SLC6A6: variants seen among roughly 807,000 people sequenced by gnomAD.
The protein encoded by SLC6A6 is solute carrier family 6 member 6.
Under a neutral mutation model 68.8 loss-of-function variants are expected in SLC6A6, and 16 were observed. The observed-to-expected ratio is 0.23, with a 90% CI of 0.16 to 0.35. The LOEUF (loss-of-function observed/expected upper bound fraction) is 0.35, where lower values mean the gene tolerates loss of function less well. Among genes scored for constraint, SLC6A6 ranks in the 10% least tolerant of loss-of-function variants. The pLI, the probability that SLC6A6 is intolerant of heterozygous loss-of-function variation, is 1.00. For missense variants in SLC6A6, 474 were observed against 802.8 expected (o/e 0.59, Z 4.95); for synonymous variants, 312 against 315.4 (o/e 0.99, Z 0.12).
chr3:14,411,634 G>A (rs951942677), intron 1 of SLC6A6, among the ~76,000 whole-genome samples: 5 of 152,228 alleles, frequency 3.3e-5, no homozygotes, highest in African/African-American at 1.2e-4. Flanking sequence ...ATCCAGCCTA[G>A]GGGTGTGGCA....
chr3:14,472,392 C>A lies in SLC6A6; in HGVS notation c.1209+75C>A. On this transcript the variant is annotated intron_variant, in intron 10 of 14. Transcript: ENST00000622186. The surrounding 1 kb of genome is among the most constrained non-coding windows in gnomAD (Gnocchi z 4.5). The stretch of plus-strand genomic sequence containing the variant: ...CTCTGGGAAAGACTCCTTATTCCAC[C>A]TGGGAGGTGGTCAACCCCCTTCCCC... 1 of 917,942 alleles carries A rather than the reference C, an allele frequency of 1.1e-6. No individual in the cohort carries two copies. Among genetic ancestry groups the A allele is most frequent in the Non-Finnish European group, 1.8e-6 (1 of 558,030 alleles). The allele number at this position is 917,942 out of a possible 1,614,324, so 56.9% of individuals were successfully genotyped here. A position where few individuals can be genotyped will look rare whatever the true frequency, so the allele number is the denominator to read the frequency against.
intron 6 of SLC6A6, among the ~76,000 whole-genome samples, chr3:14,461,369 G>T (rs1297523537): frequency 6.6e-6 from 1 of 152,206 alleles, no homozygotes; most frequent in African/African-American, 2.4e-5. Flanking sequence ...GACCCAGGCG[G>T]CCCCACTCCC....
intron 5 of SLC6A6, among the ~76,000 whole-genome samples, chr3:14,449,008 C>T (rs1001515246): frequency 2.6e-5 from 4 of 152,210 alleles, no homozygotes; most frequent in East Asian, 1.9e-4. Flanking sequence ...TGAATCATCA[C>T]GAGATGACAG....
Position 14,472,132 on chromosome 3 carries a change from GCCC to G in SLC6A6, c.1097-72_1097-70del, listed in dbSNP as rs1700765775. 8.8e-6 allele frequency: 8 copies of G among 905,626 alleles called. No individual in the cohort carries two copies. In the South Asian group the frequency reaches 1.1e-4, roughly 12 times the overall value. The allele number at this position is 905,626 out of a possible 1,614,324, so 56.1% of individuals were successfully genotyped here. A position where few individuals can be genotyped will look rare whatever the true frequency, so the allele number is the denominator to read the frequency against. On this transcript the variant is annotated intron_variant, in intron 9 of 14. Coordinates refer to ENST00000622186, the MANE Select transcript of SLC6A6 (RefSeq NM_003043.6). This position sits in a 1 kb window ranked among gnomAD's most constrained non-coding sequence, Gnocchi z 4.5. ...TTTGGGTCTGAGTGTCTTTGTGTGA[GCCC>G]AGGGTTCCCAGTGGCTTGGTGGCTG...
chr3:14,480,399 G>T (rs76413708), intron 13 of SLC6A6, among the ~76,000 whole-genome samples: 1 of 152,166 alleles, frequency 6.6e-6, no homozygotes, highest in Non-Finnish European at 1.5e-5. Context: ...AGCTGGATAC[G>T]TCAGAGATAG....
Position 14,443,639 on chromosome 3 carries a change from C to A in SLC6A6, c.5C>A (p.Ala2Asp). Reference protein sequence around the residue: MATKEKLQCLKD... With the variant: MDTKEKLQCLKD... Reference sequence around the variant, plus strand: ...TCCCCCATAGAAAGCAAGGAGATGGCCACCAAGGAGAAGCTGCAGTGTCTG... The same window carrying A: ...TCCCCCATAGAAAGCAAGGAGATGGACACCAAGGAGAAGCTGCAGTGTCTG... The change falls in exon 3 of 15, where the codon GCC (alanine) becomes GAC (aspartate). Residue 2 changes from alanine to aspartate, a missense_variant. Physicochemically the swap from Ala to Asp is moderately radical, Grantham distance 126. Transcript: ENST00000622186. 1.2e-6 allele frequency: 2 copies of A among 1,608,380 alleles called. No homozygotes were observed. The highest frequency in any genetic ancestry group is 2.2e-5 in the South Asian group (2 of 90,898).
At chr3:14,413,535 C>A (rs1699298439) in intron 1 of SLC6A6, among the ~76,000 whole-genome samples, 1 of 152,254 alleles carries the variant, frequency 6.6e-6, no homozygotes, top group East Asian at 1.9e-4. Context: ...GTATGGGCAT[C>A]ACGTGGGAGC....
rs112272618 is a variant in SLC6A6 at position 14,443,969 on chromosome 3, G to GC, written c.229+115dup. On this transcript the variant is annotated intron_variant, in intron 3 of 14. Coordinates refer to ENST00000622186, the MANE Select transcript of SLC6A6 (RefSeq NM_003043.6). ...GGCCTCTCTTTCCCTGCTTTCCCTG[G>GC]CCCCCCCCCTTGACCTCCATGAGGT... 3.1e-3 allele frequency: 2,252 copies of GC among 724,966 alleles called. 2 individuals carry two copies. Among genetic ancestry groups the GC allele is most frequent in the Non-Finnish European group, 3.1e-3 (1,340 of 429,134 alleles). The allele number at this position is 724,966 out of a possible 1,614,324, so 44.9% of individuals were successfully genotyped here. A position where few individuals can be genotyped will look rare whatever the true frequency, so the allele number is the denominator to read the frequency against.
intron 1 of SLC6A6, among the ~76,000 whole-genome samples, chr3:14,409,807 TA>T (rs1254937558): frequency 6.6e-6 from 1 of 152,124 alleles, no homozygotes; most frequent in Non-Finnish European, 1.5e-5. Flanking sequence ...ATCATCCAGT[TA>T]ACCTTCTCTG....
chr3:14,484,838 C>A (rs757235969), intron 14 of SLC6A6, 29 bp from the exon 15 acceptor site: 1 of 1,604,532 alleles, frequency 6.2e-7, no homozygotes, highest in Non-Finnish European at 8.5e-7. Flanking sequence ...CCTGACGTTT[C>A]CCCCCTCACT....
chr3:14,444,431 G>A (rs1048842380), intron 3 of SLC6A6: 4 of 236,062 alleles, frequency 1.7e-5, no homozygotes, highest in Non-Finnish European at 3.4e-5. Flanking sequence ...GTTGGTTTGG[G>A]TTTTTGGATT....
At chr3:14,412,327 G>A (rs1318538290) in intron 1 of SLC6A6, among the ~76,000 whole-genome samples, 1 of 152,186 alleles carries the variant, frequency 6.6e-6, no homozygotes, top group Non-Finnish European at 1.5e-5. Flanking sequence ...GAACAATAAT[G>A]TGGATTCCTC....
chr3:14,479,254 A>G, intron 13 of SLC6A6, 69 bp downstream of exon 13: 1 of 961,802 alleles, frequency 1.0e-6, no homozygotes, highest in Non-Finnish European at 1.7e-6. Context: ...TCACCCGCTA[A>G]ACCATCTTTC....
chr3:14,430,712 GAGCTTATGTTC>G (rs1699705663), intron 2 of SLC6A6, among the ~76,000 whole-genome samples: 1 of 152,240 alleles, frequency 6.6e-6, no homozygotes, highest in Admixed American at 6.5e-5. Context: ...TTTGGAAGAA[GAGCTTATGTTC>G]AGCCTCTGGC....
chr3:14,421,863 A>G (rs1484717595), intron 2 of SLC6A6, among the ~76,000 whole-genome samples: 2 of 152,218 alleles, frequency 1.3e-5, no homozygotes, highest in Non-Finnish European at 2.9e-5. Flanking sequence ...AGCTGGGGCC[A>G]GGGCAGGCAG....
At chr3:14,471,949 G>T (rs1404925768) in intron 9 of SLC6A6, among the ~76,000 whole-genome samples, 2 of 152,016 alleles carry the variant, frequency 1.3e-5, no homozygotes, top group African/African-American at 2.4e-5. Context: ...AAATAACCAC[G>T]CCCCGATGGA....
At position 14,467,991 on chromosome 3, in the gene SLC6A6, G is replaced by A. The variant is rs765816801; in HGVS notation, c.971+35G>A. 3.1e-6 allele frequency: 5 copies of A among 1,608,226 alleles called. No homozygotes were observed. In the East Asian group the frequency reaches 8.9e-5, roughly 29 times the overall value. The stretch of plus-strand genomic sequence containing the variant: ...GCGCCGGCGGGCCTGGTGGACTTTA[G>A]AAATGATGATGATGATGTTTAAAGA... On this transcript the variant is annotated intron_variant, in intron 8 of 14. Transcript: ENST00000622186.
chr3:14,479,042 C>A, intron 12 of SLC6A6, 43 bp from the exon 13 acceptor site: 1 of 1,349,312 alleles, frequency 7.4e-7, no homozygotes, highest in Non-Finnish European at 1.1e-6. Context: ...TGCTGCTGGC[C>A]TTGAACGCTG....
At chr3:14,475,598 A>G (rs1182741938) in intron 10 of SLC6A6, among the ~76,000 whole-genome samples, 1 of 152,306 alleles carries the variant, frequency 6.6e-6, no homozygotes, top group East Asian at 1.9e-4. Flanking sequence ...GGAGAAGGGC[A>G]GTGTTCTCTG....
Sources: gnomAD v4.1 joint callset for allele counts (sites outside exome capture counted in the v4.1 genomes callset) on GRCh38, gnomAD v4.1.1 for gene constraint, Gnocchi (gnomAD v3.1) non-coding constraint, MANE v1.5 for transcripts, NCBI Gene and HGNC (gene_info 2026-07-23, HGNC 2026-07-21) for gene names.